KLHL15: variants seen among roughly 807,000 people sequenced by gnomAD.
KLHL15 encodes the protein kelch-like protein 15.
KLHL15 carries 1 observed loss-of-function variant against 29.3 expected under a neutral mutation model. The ratio of observed to expected loss-of-function variants is 0.03; its 90% CI spans 0.01 to 0.16. KLHL15 has a LOEUF of 0.16. Among genes scored for constraint, KLHL15 ranks in the 10% least tolerant of loss-of-function variants. The pLI, the probability that KLHL15 is intolerant of heterozygous loss-of-function variation, is 1.00. For missense variants in KLHL15, 215 were observed against 478.5 expected (o/e 0.45, Z 5.14); for synonymous variants, 212 against 184.5 (o/e 1.15, Z -1.21).
At position 23,983,954 on chromosome X, in the gene KLHL15, A is replaced by C. The variant is rs1928943051; in HGVS notation, c.*3967T>G. The stretch of plus-strand genomic sequence containing the variant: ...AGGATTATTTGACTACTGGCCCAAA[A>C]TGTACCTAAAGGTCAAAATATTTTT... On this transcript the variant is annotated 3_prime_UTR_variant, in exon 4 of 4. Transcript: ENST00000328046. 9.0e-6 allele frequency: 1 copy of C among 111,359 alleles called. No homozygotes were observed. Among genetic ancestry groups the C allele is most frequent in the Admixed American group, 9.6e-5 (1 of 10,374 alleles). The allele number at this position is 111,359 out of a possible 1,213,427, so 9.2% of individuals were successfully genotyped here. A position where few individuals can be genotyped will look rare whatever the true frequency, so the allele number is the denominator to read the frequency against.
intron 2 of KLHL15, among the ~76,000 whole-genome samples, chrX:24,011,946 C>G (rs1929583306): frequency 8.9e-6 from 1 of 112,644 alleles, no homozygotes; most frequent in African/African-American, 3.2e-5. Context: ...GGTCAGAGTT[C>G]AAGACCAGCC....
chrX:24,004,200 C>CA (rs1015836032), intron 3 of KLHL15, among the ~76,000 whole-genome samples: 2 of 110,468 alleles, frequency 1.8e-5, no homozygotes, highest in African/African-American at 6.6e-5. Context: ...TCTCCACACA[C>CA]AAAAAATTAG....
chrX:24,025,635 C>T (rs1185337504), intron 1 of KLHL15, among the ~76,000 whole-genome samples: 3 of 107,563 alleles, frequency 2.8e-5, no homozygotes, highest in Non-Finnish European at 5.9e-5. Flanking sequence ...TTTACCTTCC[C>T]CCTGGTCGAG....
At position 24,022,922 on chromosome X, in the gene KLHL15, CG is replaced by C. The variant is rs1370571978; in HGVS notation, c.-8+1934del. Among the ~76,000 whole-genome samples the C allele has an allele frequency of 6.7e-4, 74 of 109,651 alleles. 1 individual carries two copies. Among genetic ancestry groups the C allele is most frequent in the South Asian group, 3.1e-3 (8 of 2,558 alleles). ...GCTAACTTTGTGTTTTTAGTAGAGA[CG>C]GGGTTTCTCCACGTTGGTTAGGCTG... On this transcript the variant is annotated intron_variant, in intron 2 of 3. Coordinates refer to ENST00000328046, the MANE Select transcript of KLHL15 (RefSeq NM_030624.3).
rs1300773569 is a variant in KLHL15 at position 23,983,762 on chromosome X, A to G, written c.*4159T>C. 8.9e-6 allele frequency: 1 copy of G among 112,332 alleles called. No individual in the cohort carries two copies. The highest frequency in any genetic ancestry group is 1.9e-5 in the Non-Finnish European group (1 of 53,300). The allele number at this position is 112,332 out of a possible 1,213,427, so 9.3% of individuals were successfully genotyped here. A position where few individuals can be genotyped will look rare whatever the true frequency, so the allele number is the denominator to read the frequency against. ...ATTTTATTTAAACTTTTCTTCATAAACACTTTTAACATTTTTTTCAATTTA... is the reference window on the plus strand; with the variant it reads ...ATTTTATTTAAACTTTTCTTCATAAGCACTTTTAACATTTTTTTCAATTTA... On this transcript the variant is annotated 3_prime_UTR_variant, in exon 4 of 4. Coordinates refer to ENST00000328046, the MANE Select transcript of KLHL15 (RefSeq NM_030624.3).
intron 2 of KLHL15, among the ~76,000 whole-genome samples, chrX:24,022,300 A>G: frequency 1.0e-5 from 1 of 99,079 alleles, no homozygotes; most frequent in African/African-American, 3.8e-5. Context: ...GCGCCACTGC[A>G]CTCCGGCCTG....
In KLHL15 at chrX:23,999,174, G is replaced by T. The variant is rs190930441; in HGVS notation, c.705+6815C>A. Among the ~76,000 whole-genome samples the T allele has an allele frequency of 3.9e-3, 435 of 111,173 alleles. 1 individual carries two copies. Among genetic ancestry groups the T allele is most frequent in the African/African-American group, 0.012 (382 of 30,729 alleles). ...TCTGCCCACCTTGGCCTCCCAAAGT[G>T]CTGGGATTACAGGCGTGAGCCACTG... On this transcript the variant is annotated intron_variant, in intron 3 of 3. Transcript: ENST00000328046.
At chrX:24,022,165 T>C (rs1461086417) in intron 2 of KLHL15, among the ~76,000 whole-genome samples, 1 of 108,877 alleles carries the variant, frequency 9.2e-6, no homozygotes, top group Non-Finnish European at 1.9e-5. Context: ...TGAAACCCCG[T>C]GTCTACTAAA....
rs1166953668 is a variant in KLHL15, at chrX:23,987,095, G to A, written c.*826C>T. ...AGTTTTCATAACCATACATGTTTCAGAAATATAAGGAGTTCAAATATTACT... is the reference window on the plus strand; with the variant it reads ...AGTTTTCATAACCATACATGTTTCAAAAATATAAGGAGTTCAAATATTACT... On this transcript the variant is annotated 3_prime_UTR_variant, in exon 4 of 4. Transcript: ENST00000328046. 8.9e-6 allele frequency: 1 copy of A among 112,637 alleles called. No individual in the cohort carries two copies. The highest frequency in any genetic ancestry group is 3.2e-5 in the African/African-American group (1 of 31,065). 9.3% of individuals were successfully genotyped at this position (112,637 alleles called of 1,213,427 possible).
chrX:24,003,645 ATATGTGTGTGTGTG>A (rs1306222417), intron 3 of KLHL15, among the ~76,000 whole-genome samples: 2 of 80,246 alleles, frequency 2.5e-5, no homozygotes, highest in African/African-American at 1.1e-4. Context: ...TAGCATAAAT[ATATGTGTGTGTGTG>A]TGTGTGTGTG....
chrX:23,986,270 G>T lies in KLHL15; in HGVS notation c.*1651C>A, dbSNP rs1928982709. On this transcript the variant is annotated 3_prime_UTR_variant, in exon 4 of 4. Transcript: ENST00000328046. ...TCACACTTCCATTTTATGTTCAATGGTGGCAGCAGCAAAAAAACAAACAAA... is the reference window on the plus strand; with the variant it reads ...TCACACTTCCATTTTATGTTCAATGTTGGCAGCAGCAAAAAAACAAACAAA... 1 of 108,169 alleles carries T rather than the reference G, an allele frequency of 9.2e-6. No individual in the cohort carries two copies. 8.9% of individuals were successfully genotyped at this position (108,169 alleles called of 1,213,427 possible).
chrX:24,003,623 T>C (rs1391144431), intron 3 of KLHL15, among the ~76,000 whole-genome samples: 1 of 100,179 alleles, frequency 1.0e-5, no homozygotes, highest in African/African-American at 3.8e-5. Flanking sequence ...TAAGAGCACT[T>C]AGTACATGAC....
chrX:24,024,233 G>A (rs373138088), intron 2 of KLHL15, among the ~76,000 whole-genome samples: 2 of 111,801 alleles, frequency 1.8e-5, no homozygotes, highest in African/African-American at 3.2e-5. Context: ...TCACAGCACT[G>A]CTTTACTATT....
chrX:24,019,295 C>T (rs1929756101), intron 2 of KLHL15, among the ~76,000 whole-genome samples: 2 of 111,888 alleles, frequency 1.8e-5, no homozygotes, highest in South Asian at 7.4e-4. Flanking sequence ...GAGACAGTCT[C>T]ACTCTGCACC....
intron 2 of KLHL15, among the ~76,000 whole-genome samples, chrX:24,020,650 G>A (rs1294566589): frequency 9.0e-6 from 1 of 111,114 alleles, no homozygotes; most frequent in Non-Finnish European, 1.9e-5. Flanking sequence ...TTAATTTAAT[G>A]CTTCTCTGCT....
intron 2 of KLHL15, among the ~76,000 whole-genome samples, chrX:24,022,797 G>A (rs1324235838): frequency 4.8e-5 from 5 of 104,812 alleles, no homozygotes; most frequent in Admixed American, 1.0e-4. Flanking sequence ...TTGGATTACC[G>A]CAACTTCTGC....
chrX:23,992,690 A>G (rs745716109), intron 3 of KLHL15, among the ~76,000 whole-genome samples: 78 of 112,587 alleles, frequency 6.9e-4, no homozygotes, highest in African/African-American at 2.2e-3. Flanking sequence ...TCTCAAAAGC[A>G]TAACGCTGAC....
At position 24,006,261 on chromosome X, in the gene KLHL15, C is replaced by T. The variant is rs1323704658; in HGVS notation, c.433G>A (p.Val145Ile). 1.3e-5 allele frequency: 16 copies of T among 1,209,778 alleles called. No homozygotes were observed. Among genetic ancestry groups the T allele is most frequent in the Non-Finnish European group, 1.8e-5 (16 of 895,240 alleles). The stretch of plus-strand genomic sequence containing the variant: ...TTCTCCCTGACTCCCTCGATGTTTA[C>T]GCCGAAATCATCTAAGAGTCTCATA... Reference protein sequence around the residue: ...EIMRLLDDFGVNIEGVREKLD... With the variant: ...EIMRLLDDFGINIEGVREKLD... The change falls in exon 3 of 4, where the codon GTA becomes ATA. Residue 145 changes from valine (V) to isoleucine (I), a missense_variant. Val to Ile is a conservative substitution (Grantham distance 29). Coordinates refer to ENST00000328046, the MANE Select transcript of KLHL15 (RefSeq NM_030624.3).
chrX:24,024,040 C>T (rs1316622576), intron 2 of KLHL15, among the ~76,000 whole-genome samples: 2 of 112,025 alleles, frequency 1.8e-5, no homozygotes, highest in Non-Finnish European at 3.8e-5. Context: ...ACAGAAAAGA[C>T]TAACAAATGT....
Sources: gnomAD v4.1 joint callset for allele counts (sites outside exome capture counted in the v4.1 genomes callset) on GRCh38, gnomAD v4.1.1 for gene constraint, MANE v1.5 for transcripts, NCBI Gene and HGNC (gene_info 2026-07-23, HGNC 2026-07-21) for gene names.